GABRP: variants seen among roughly 807,000 people sequenced by gnomAD.
GABRP encodes the protein gamma-aminobutyric acid receptor subunit pi.
A neutral mutation model predicts 47.8 loss-of-function variants in GABRP; 52 were observed. That is an observed-to-expected ratio of 1.09 (90% confidence interval 0.87 to 1.37). GABRP has a LOEUF of 1.37. GABRP is among the 40% of genes most tolerant of loss of function. The probability of loss-of-function intolerance (pLI) is 0.00; values close to 1 mark genes in which losing one functional copy is unlikely to be tolerated. For missense variants in GABRP, 525 were observed against 542.8 expected (o/e 0.97, Z 0.33); for synonymous variants, 221 against 205.8 (o/e 1.07, Z -0.63).
At chr5:170,797,326 G>A in intron 5 of GABRP, 140 bp from the exon 6 acceptor site, 2 of 644,216 alleles carry the variant, frequency 3.1e-6, no homozygotes, top group Non-Finnish European at 5.7e-6. Context: ...GAGCCTCAAG[G>A]ATGCTTTACA....
chr5:170,809,846 C>T, intron 9 of GABRP, 91 bp downstream of exon 9: 1 of 1,211,546 alleles, frequency 8.3e-7, no homozygotes, highest in Non-Finnish European at 1.2e-6. Context: ...TATCCCCACC[C>T]CACCCGCAGT....
At chr5:170,801,633 C>T (rs751748258) in intron 6 of GABRP, among the ~76,000 whole-genome samples, 1 of 152,164 alleles carries the variant, frequency 6.6e-6, no homozygotes, top group Non-Finnish European at 1.5e-5. Flanking sequence ...AAGTCTCCAG[C>T]CAGTCTGGAT....
rs1194740128 is a variant in GABRP at position 170,811,955 on chromosome 5, G to A, written c.1021-1G>A. The A allele has an allele frequency of 6.2e-7, 1 of 1,612,800 alleles. No individual in the cohort carries two copies. Among genetic ancestry groups the A allele is most frequent in the Admixed American group, 1.7e-5 (1 of 59,960 alleles). Reference sequence around the variant, plus strand: ...AGCTAACTGCATTGTCTATGAACTAGGGGACAACAAAGGAAGTAGAAGAAG... The same window carrying A: ...AGCTAACTGCATTGTCTATGAACTAAGGGACAACAAAGGAAGTAGAAGAAG... On this transcript the variant is annotated splice_acceptor_variant, in intron 9 of 9. Coordinates refer to ENST00000265294, the MANE Select transcript of GABRP (RefSeq NM_014211.3). LOFTEE classifies it high-confidence loss of function.
At chr5:170,809,883 T>A in intron 9 of GABRP, 128 bp downstream of exon 9, 1 of 898,070 alleles carries the variant, frequency 1.1e-6, no homozygotes, top group South Asian at 1.5e-5. Flanking sequence ...GTGAGTCTTA[T>A]CCTTGTTCAG....
intron 6 of GABRP, among the ~76,000 whole-genome samples, chr5:170,803,172 A>T (rs1765639963): frequency 6.6e-6 from 1 of 152,150 alleles, no homozygotes; most frequent in African/African-American, 2.4e-5. Flanking sequence ...TTTACCTGGA[A>T]ATCCCCTAAG....
At chr5:170,799,625 GTTGT>G (rs1409347162) in intron 6 of GABRP, among the ~76,000 whole-genome samples, 16 of 152,184 alleles carry the variant, frequency 1.1e-4, no homozygotes, top group African/African-American at 3.1e-4. Flanking sequence ...TTTTGATGGG[GTTGT>G]TTGTTTTTTT....
Position 170,784,664 on chromosome 5 carries a change from T to C in GABRP, c.-43+790T>C, listed in dbSNP as rs144353625. ...CTTGAGATTTGGGTTCTATTAGTCA[T>C]AGTGGAATCACTGAATTCCCATGGA... On this transcript the variant is annotated intron_variant, in intron 1 of 9. Transcript: ENST00000265294. 2.0e-3 allele frequency among the ~76,000 whole-genome samples: 297 copies of C among 152,304 alleles called. 1 individual carries two copies. Among genetic ancestry groups the C allele is most frequent in the African/African-American group, 6.7e-3 (277 of 41,564 alleles).
At position 170,808,737 on chromosome 5, in the gene GABRP, G is replaced by T. The variant is rs1433591040; in HGVS notation, c.817G>T (p.Ala273Ser). 6.2e-7 allele frequency: 1 copy of T among 1,614,044 alleles called. No homozygotes were observed. Among genetic ancestry groups the T allele is most frequent in the Middle Eastern group, 1.6e-4 (1 of 6,062 alleles). Residue 273 changes from alanine to serine, a missense_variant, in exon 8 of 10, where the codon GCA becomes TCA. Physicochemically the swap from Ala to Ser is moderately conservative, Grantham distance 99 (BLOSUM62 1). Coordinates refer to ENST00000265294, the MANE Select transcript of GABRP (RefSeq NM_014211.3). ...SFWISLDSVP[A>S]RTCIGVTTVL... is the part of the protein sequence containing the mutation. ...TTGGATCTCTCTCGATTCAGTCCCTGCAAGAACCTGCATTGGTAAGCAGCT... is the reference window on the plus strand; with the variant it reads ...TTGGATCTCTCTCGATTCAGTCCCTTCAAGAACCTGCATTGGTAAGCAGCT...
chr5:170,808,498 T>C (rs890328300), intron 7 of GABRP, 102 bp from the exon 8 acceptor site: 1 of 962,990 alleles, frequency 1.0e-6, no homozygotes, highest in Non-Finnish European at 1.6e-6. Flanking sequence ...CAGATTTAGA[T>C]CAATGACAGA....
intron 9 of GABRP, chr5:170,809,982 G>A (rs763446004): frequency 2.0e-5 from 14 of 701,652 alleles, no homozygotes; most frequent in Non-Finnish European, 2.9e-5. Flanking sequence ...TAATTTTCCA[G>A]CAGAAAATAT....
At position 170,812,241 on chromosome 5, in the gene GABRP, T is replaced by C. The variant is rs765439246; in HGVS notation, c.1306T>C (p.Tyr436His). Residue 436 changes from tyrosine to histidine, a missense_variant, in exon 10 of 10, where the codon TAC (tyrosine) becomes CAC (histidine). Transcript: ENST00000265294. ...GCTAGCCAATGTATTTTACTGGGCATACTACATGTATTTTTGAGTCAATGT... is the reference window on the plus strand; with the variant it reads ...GCTAGCCAATGTATTTTACTGGGCACACTACATGTATTTTTGAGTCAATGT... Reference protein sequence around the residue: ...FMLANVFYWAYYMYF With the variant: ...FMLANVFYWAHYMYF 6 of 1,610,684 alleles carry C rather than the reference T, an allele frequency of 3.7e-6. No homozygotes were observed. Among genetic ancestry groups the C allele is most frequent in the Non-Finnish European group, 5.1e-6 (6 of 1,177,452 alleles).
chr5:170,794,375 C>CCAAA, intron 4 of GABRP, 77 bp downstream of exon 4: 1 of 257,932 alleles, frequency 3.9e-6, no homozygotes, highest in South Asian at 1.2e-4. Context: ...TCTAGCCGCT[C>CCAAA]AAAAAAAAAA....
intron 8 of GABRP, among the ~76,000 whole-genome samples, chr5:170,809,269 A>G (rs1765819396): frequency 6.6e-6 from 1 of 152,128 alleles, no homozygotes. Context: ...TAAGTTTTAC[A>G]GTGACAAGTA....
At chr5:170,790,271 T>G (rs1319396962) in intron 3 of GABRP, among the ~76,000 whole-genome samples, 1 of 152,228 alleles carries the variant, frequency 6.6e-6, no homozygotes, top group Non-Finnish European at 1.5e-5. Context: ...CTAGCTCTCC[T>G]GCTTGGCAAG....
intron 1 of GABRP, among the ~76,000 whole-genome samples, chr5:170,784,602 T>G (rs551640141): frequency 1.3e-5 from 2 of 152,156 alleles, no homozygotes; most frequent in Non-Finnish European, 2.9e-5. Flanking sequence ...GCTCACACTC[T>G]GAGTGGCACC....
intron 5 of GABRP, among the ~76,000 whole-genome samples, chr5:170,795,812 A>G (rs1416445917): frequency 6.6e-6 from 1 of 152,210 alleles, no homozygotes; most frequent in Non-Finnish European, 1.5e-5. Flanking sequence ...CAAGGGAAGA[A>G]ATAAGGGCAA....
chr5:170,802,373 G>A (rs71605783), intron 6 of GABRP, among the ~76,000 whole-genome samples: 3,862 of 152,246 alleles, frequency 0.025, 86 homozygotes, highest in Middle Eastern at 0.12. Context: ...CTTACGTAAG[G>A]TCACAAGTGG....
At chr5:170,808,200 A>G (rs1765785976) in intron 7 of GABRP, among the ~76,000 whole-genome samples, 2 of 152,210 alleles carry the variant, frequency 1.3e-5, no homozygotes, top group Admixed American at 1.3e-4. Context: ...GGTCTATTCC[A>G]TAGTATTCCT....
chr5:170,790,901 T>C (rs890253742), intron 3 of GABRP, among the ~76,000 whole-genome samples: 6 of 152,050 alleles, frequency 3.9e-5, no homozygotes, highest in African/African-American at 9.7e-5. Flanking sequence ...ACCTGCTCAG[T>C]TGGAGATGGG....
Sources: gnomAD v4.1 joint callset for allele counts (sites outside exome capture counted in the v4.1 genomes callset) on GRCh38, gnomAD v4.1.1 for gene constraint, MANE v1.5 for transcripts, NCBI Gene and HGNC (gene_info 2026-07-23, HGNC 2026-07-21) for gene names.